BPHL: variants seen among roughly 807,000 people sequenced by gnomAD.
The protein encoded by BPHL is serine hydrolase BPHL.
A neutral mutation model predicts 31.2 loss-of-function variants in BPHL; 27 were observed. The ratio of observed to expected loss-of-function variants is 0.87; its 90% CI spans 0.64 to 1.19. BPHL has a LOEUF of 1.19. Ranked by LOEUF, BPHL falls within the 50% of genes most tolerant of loss-of-function variation. The pLI, the probability that BPHL is intolerant of heterozygous loss-of-function variation, is 0.00. For missense variants in BPHL, 356 were observed against 375.7 expected (o/e 0.95, Z 0.43); for synonymous variants, 150 against 146.8 (o/e 1.02, Z -0.16).
At position 3,153,452 on chromosome 6, in the gene BPHL, G is replaced by C. The variant is rs1283427711; in HGVS notation, c.*877G>C. ...TTTGAGAGATGAATACTTTGGGCCA[G>C]TAAAGGTGAACAAAATATGTATTTT... On this transcript the variant is annotated 3_prime_UTR_variant, in exon 7 of 7. Coordinates refer to ENST00000380379, the MANE Select transcript of BPHL (RefSeq NM_004332.4). The C allele has an allele frequency of 1.5e-5, 4 of 269,058 alleles. No individual in the cohort carries two copies. The highest frequency in any genetic ancestry group is 2.8e-5 in the Non-Finnish European group (4 of 141,276). 16.7% of individuals were successfully genotyped at this position (269,058 alleles called of 1,614,324 possible). A position where few individuals can be genotyped will look rare whatever the true frequency, so the allele number is the denominator to read the frequency against.
intron 6 of BPHL, among the ~76,000 whole-genome samples, chr6:3,151,993 A>G (rs191792732): frequency 1.6e-3 from 239 of 152,310 alleles, no homozygotes; most frequent in Non-Finnish European, 2.7e-3. Flanking sequence ...TGGAACCTTG[A>G]GCAGCAGGCT....
chr6:3,122,630 G>A (rs1761607116), intron 1 of BPHL, among the ~76,000 whole-genome samples: 1 of 152,240 alleles, frequency 6.6e-6, no homozygotes, highest in Non-Finnish European at 1.5e-5. Context: ...CCTGTGCTAA[G>A]TGTGGTCCAG....
Position 3,145,707 on chromosome 6 carries a change from A to G in BPHL, c.788+5198A>G, listed in dbSNP as rs1485711640. Reference sequence around the variant, plus strand: ...TGGGTCGAGTGCTGGTTCAGGTTGGAGTGCTGGTTCCAGCTGGAGTGCTGG... The same window carrying G: ...TGGGTCGAGTGCTGGTTCAGGTTGGGGTGCTGGTTCCAGCTGGAGTGCTGG... On this transcript the variant is annotated intron_variant, in intron 6 of 6. Coordinates refer to ENST00000380379, the MANE Select transcript of BPHL (RefSeq NM_004332.4). Among the ~76,000 whole-genome samples, 5 of 44,962 alleles carry G rather than the reference A, an allele frequency of 1.1e-4. 2 individuals are homozygous for G. Among genetic ancestry groups the G allele is most frequent in the East Asian group, 5.7e-4 (1 of 1,754 alleles). The allele number at this position is 44,962 out of a possible 152,430, so 29.5% of individuals were successfully genotyped here.
At chr6:3,146,143 G>C (rs1241119703) in intron 6 of BPHL, among the ~76,000 whole-genome samples, 2 of 60,580 alleles carry the variant, frequency 3.3e-5, no homozygotes, top group Non-Finnish European at 7.4e-5. Context: ...GTGCTGGTTC[G>C]GGTTGGAGTG....
chr6:3,128,951 T>C, intron 3 of BPHL, 94 bp from the exon 4 acceptor site: 7 of 1,564,294 alleles, frequency 4.5e-6, no homozygotes, highest in Non-Finnish European at 6.2e-6. Flanking sequence ...TACTCCAGCC[T>C]CACACCTGTA....
chr6:3,150,454 G>A (rs1762490832), intron 6 of BPHL, among the ~76,000 whole-genome samples: 1 of 152,286 alleles, frequency 6.6e-6, no homozygotes, highest in Non-Finnish European at 1.5e-5. Context: ...CTAGTTCCTT[G>A]GACTATCTGG....
chr6:3,118,892 C>T, intron 1 of BPHL, 45 bp downstream of exon 1: 1 of 1,222,660 alleles, frequency 8.2e-7, no homozygotes, highest in East Asian at 3.2e-5. Flanking sequence ...CATCGGCGCG[C>T]TCGAGGGGCG....
At chr6:3,146,827 C>T (rs62391676) in intron 6 of BPHL, among the ~76,000 whole-genome samples, 13 of 94,022 alleles carry the variant, frequency 1.4e-4, no homozygotes, top group South Asian at 3.6e-4. Flanking sequence ...GTGCTGGTTC[C>T]GGCTGGAGTG....
intron 4 of BPHL, among the ~76,000 whole-genome samples, chr6:3,134,991 CCTT>C (rs1374156085): frequency 6.6e-6 from 1 of 152,214 alleles, no homozygotes; most frequent in Admixed American, 6.5e-5. Flanking sequence ...CCCACCTCAA[CCTT>C]CCGAAGTGCT....
At chr6:3,122,871 C>T (rs780975737) in intron 1 of BPHL, among the ~76,000 whole-genome samples, 3 of 152,236 alleles carry the variant, frequency 2.0e-5, no homozygotes, top group Admixed American at 6.5e-5. Context: ...GCCTGGAGAT[C>T]GAGACCTTGG....
chr6:3,142,387 G>A (rs1330101286), intron 6 of BPHL, among the ~76,000 whole-genome samples: 1 of 152,092 alleles, frequency 6.6e-6, no homozygotes, highest in Non-Finnish European at 1.5e-5. Flanking sequence ...AAAGTGCTGG[G>A]ATTACAGGCA....
At position 3,140,595 on chromosome 6, in the gene BPHL, G is replaced by A; in HGVS notation, c.788+86G>A. 6.3e-7 allele frequency: 1 copy of A among 1,580,450 alleles called. No individual in the cohort carries two copies. The highest frequency in any genetic ancestry group is 8.6e-7 in the Non-Finnish European group (1 of 1,164,686). On this transcript the variant is annotated intron_variant, in intron 6 of 6. Transcript: ENST00000380379. The surrounding 1 kb of genome is among the most constrained non-coding windows in gnomAD (Gnocchi z 5.2). ...ACTGGAAGGAAAATAACCAAGAGGA[G>A]TTGGAGTTTTAGAGTGCACAGCCCC...
Position 3,140,587 on chromosome 6 carries a change from C to A in BPHL, c.788+78C>A. 2 of 1,588,216 alleles carry A rather than the reference C, an allele frequency of 1.3e-6. No homozygotes were observed. Among genetic ancestry groups the A allele is most frequent in the South Asian group, 1.1e-5 (1 of 89,252 alleles). On this transcript the variant is annotated intron_variant, in intron 6 of 6. Transcript: ENST00000380379. The surrounding 1 kb of genome is among the most constrained non-coding windows in gnomAD (Gnocchi z 5.2). ...GCAAAGCTACTGGAAGGAAAATAACCAAGAGGAGTTGGAGTTTTAGAGTGC... is the reference window on the plus strand; with the variant it reads ...GCAAAGCTACTGGAAGGAAAATAACAAAGAGGAGTTGGAGTTTTAGAGTGC...
intron 1 of BPHL, chr6:3,119,324 CG>C: frequency 6.4e-7 from 1 of 1,550,858 alleles, no homozygotes; most frequent in Non-Finnish European, 8.7e-7. Context: ...GCTTTAATCA[CG>C]GGTCCCGAGA....
intron 4 of BPHL, among the ~76,000 whole-genome samples, chr6:3,137,145 A>T (rs1162139071): frequency 1.3e-5 from 2 of 151,962 alleles, no homozygotes; most frequent in Non-Finnish European, 2.9e-5. Context: ...CTTACACTGC[A>T]CACAGGTCCT....
chr6:3,151,543 A>G (rs1762524263), intron 6 of BPHL, among the ~76,000 whole-genome samples: 1 of 152,012 alleles, frequency 6.6e-6, no homozygotes, highest in East Asian at 1.9e-4. Flanking sequence ...CCTCGCACCT[A>G]CTGAGGTTCT....
chr6:3,147,148 C>A (rs1272122973), intron 6 of BPHL, among the ~76,000 whole-genome samples: 13 of 152,090 alleles, frequency 8.5e-5, no homozygotes, highest in Admixed American at 8.5e-4. Flanking sequence ...GTAGTCCAAG[C>A]TACTCAGGAG....
At chr6:3,144,176 T>G (rs1762257505) in intron 6 of BPHL, among the ~76,000 whole-genome samples, 1 of 152,132 alleles carries the variant, frequency 6.6e-6, no homozygotes, top group South Asian at 2.1e-4. Context: ...CCTGCCATTC[T>G]CCTGCCTCAG....
At chr6:3,142,421 A>G (rs534302337) in intron 6 of BPHL, among the ~76,000 whole-genome samples, 10 of 152,310 alleles carry the variant, frequency 6.6e-5, no homozygotes, top group Non-Finnish European at 1.2e-4. Context: ...CCGGCCTGCA[A>G]AAGTTTTTTA....
Sources: allele counts gnomAD v4.1 joint callset (sites outside exome capture counted in the v4.1 genomes callset), GRCh38; gene constraint gnomAD v4.1.1; non-coding constraint Gnocchi (gnomAD v3.1); transcripts MANE v1.5; gene names NCBI Gene and HGNC (gene_info 2026-07-23, HGNC 2026-07-21).